CLBA1: variants seen among roughly 807,000 people sequenced by gnomAD.
The protein encoded by CLBA1 is clathrin binding box of aftiphilin containing 1, also known as uncharacterized protein CLBA1.
A neutral mutation model predicts 28.8 loss-of-function variants in CLBA1; 30 were observed. The observed-to-expected ratio is 1.04, with a 90% CI of 0.78 to 1.41. The LOEUF (loss-of-function observed/expected upper bound fraction) is 1.41, where lower values mean the gene tolerates loss of function less well. CLBA1 is among the 40% of genes most tolerant of loss of function. The pLI, the probability that CLBA1 is intolerant of heterozygous loss-of-function variation, is 0.00. For missense variants in CLBA1, 451 were observed against 412.3 expected, an observed-to-expected ratio of 1.09 and a Z score of -0.81; for synonymous variants, 160 against 152.8, an observed-to-expected ratio of 1.05 and a Z score of -0.35.
At chr14:105,000,599 A>C (rs986022750) in intron 2 of CLBA1, among the ~76,000 whole-genome samples, 1 of 152,062 alleles carries the variant, frequency 6.6e-6, no homozygotes, top group Non-Finnish European at 1.5e-5. Flanking sequence ...AAATATATAT[A>C]TATCTATTTT....
rs888597369 is a variant in CLBA1, at chr14:104,986,170, G to A, written c.-262G>A. 1.8e-6 allele frequency: 1 copy of A among 542,892 alleles called. No homozygotes were observed. Among genetic ancestry groups the A allele is most frequent in the Non-Finnish European group, 3.3e-6 (1 of 300,718 alleles). The allele number at this position is 542,892 out of a possible 1,614,324, so 33.6% of individuals were successfully genotyped here. On this transcript the variant is annotated 5_prime_UTR_variant, in exon 1 of 5. The change creates a new upstream start codon in the 5' untranslated region. Transcript: ENST00000547315. Reference sequence around the variant, plus strand: ...TGCCGTGGGTCTGGTACGCGCCTCTGTGTCGGACTCCGCGCCCGCCTGCGT... The same window carrying A: ...TGCCGTGGGTCTGGTACGCGCCTCTATGTCGGACTCCGCGCCCGCCTGCGT...
At chr14:104,994,552 T>C (rs1281158349) in intron 4 of CLBA1, 46 bp from the exon 5 acceptor site, 1 of 1,564,222 alleles carries the variant, frequency 6.4e-7, no homozygotes, top group Non-Finnish European at 8.6e-7. Context: ...CTAGCGCTTC[T>C]CATTGCCCGG....
chr14:104,988,924 TTTC>T lies in CLBA1; in HGVS notation c.424-13_424-11del, dbSNP rs1452828733. On this transcript the variant is annotated splice_polypyrimidine_tract_variant and intron_variant, in intron 1 of 4. Transcript: ENST00000547315. ...GTCTTTCTCCTAACTTTGGTATGCT[TTTC>T]TTCTTTTCTTTTCAGCCCATTCTCA... 1.1e-5 allele frequency: 17 copies of T among 1,587,446 alleles called. No individual in the cohort carries two copies. Among genetic ancestry groups the T allele is most frequent in the Non-Finnish European group, 1.4e-5 (16 of 1,166,398 alleles).
chr14:104,992,460 G>A (rs546275276), intron 3 of CLBA1, among the ~76,000 whole-genome samples: 1 of 152,276 alleles, frequency 6.6e-6, no homozygotes, highest in Non-Finnish European at 1.5e-5. Context: ...ATTGGCCCTG[G>A]TGAAGACAGG....
intron 2 of CLBA1, among the ~76,000 whole-genome samples, chr14:105,000,809 T>C (rs1900253285): frequency 1.3e-5 from 2 of 151,996 alleles, no homozygotes; most frequent in African/African-American, 2.4e-5. Context: ...GAGTGTAAAG[T>C]AGTACCGCCG....
At chr14:104,993,187 C>A (rs1439170437) in intron 4 of CLBA1, 123 bp downstream of exon 4, 1 of 1,513,956 alleles carries the variant, frequency 6.6e-7, no homozygotes, top group Admixed American at 2.3e-5. Flanking sequence ...TTGTGGACTT[C>A]CAGAAAACAA....
At chr14:104,992,020 C>A (rs181776922) in intron 3 of CLBA1, among the ~76,000 whole-genome samples, 1 of 146,454 alleles carries the variant, frequency 6.8e-6, no homozygotes, top group Non-Finnish European at 1.5e-5. Flanking sequence ...CACCACATGC[C>A]GCCATGCACA....
chr14:104,989,250 G>A (rs917463241), intron 2 of CLBA1, 162 bp downstream of exon 2: 1 of 659,972 alleles, frequency 1.5e-6, no homozygotes, highest in Non-Finnish European at 2.5e-6. Flanking sequence ...GGGGCAGCAC[G>A]ATTGGCGCTC....
intron 4 of CLBA1, chr14:104,994,084 G>C: frequency 1.0e-6 from 1 of 985,292 alleles, no homozygotes; most frequent in Non-Finnish European, 1.2e-6. Flanking sequence ...AGAGGGCCCT[G>C]ATCGGCCGTC....
downstream of CLBA1, among the ~76,000 whole-genome samples, chr14:104,996,384 C>T (rs1900155974): frequency 6.6e-6 from 1 of 152,246 alleles, no homozygotes; most frequent in African/African-American, 2.4e-5. Context: ...GAGGACCCTG[C>T]AACAGGCAAG....
intron 2 of CLBA1, chr14:104,990,184 G>T (rs1202572323): frequency 1.2e-5 from 2 of 164,704 alleles, no homozygotes; most frequent in African/African-American, 4.7e-5. Flanking sequence ...GAGGCATGGG[G>T]AGTCCTGGGT....
downstream of CLBA1, chr14:104,995,607 T>C: frequency 1.5e-6 from 1 of 661,594 alleles, no homozygotes; most frequent in South Asian, 6.7e-5. Context: ...GCAGCCACCC[T>C]GGCTGTCTCT....
At chr14:104,995,615 T>C (rs1394926257), downstream of CLBA1, 3 of 582,358 alleles carry the variant, frequency 5.2e-6, no homozygotes. Context: ...CCTGGCTGTC[T>C]CTTTTCCTGC....
At chr14:104,991,291 T>C in intron 2 of CLBA1, 200 bp from the exon 3 acceptor site, 2 of 475,290 alleles carry the variant, frequency 4.2e-6, no homozygotes, top group Non-Finnish European at 3.7e-6. Flanking sequence ...CCCAAAGTGC[T>C]GGGATTACAG....
chr14:104,994,515 G>C (rs1407749098), intron 4 of CLBA1, 83 bp from the exon 5 acceptor site: 1 of 1,497,592 alleles, frequency 6.7e-7, no homozygotes, highest in African/African-American at 1.4e-5. Flanking sequence ...CCGAGAGGCA[G>C]GGGGCGGCCA....
intron 2 of CLBA1, among the ~76,000 whole-genome samples, chr14:105,001,115 T>C (rs1392676474): frequency 1.3e-5 from 2 of 150,018 alleles, no homozygotes; most frequent in Non-Finnish European, 3.0e-5. Context: ...TGCAACTGTC[T>C]AGATGAACCT....
rs770202291 is a variant in CLBA1, at chr14:104,988,990, A to C, written c.471A>C (p.Ile157=). ...ENILKCAFQE[I]TVQQAAEDVS... ...TTTTAAAGTGTGCTTTTCAAGAAAT[A>C]ACAGTCCAGCAGGCAGCTGAAGACG... Residue 157 remains isoleucine (I), a synonymous_variant, in exon 2 of 5, where the codon ATA becomes ATC. Transcript: ENST00000547315. 8 of 1,613,092 alleles carry C rather than the reference A, an allele frequency of 5.0e-6. No individual in the cohort carries two copies. In the East Asian group the frequency reaches 1.8e-4, roughly 36 times the overall value.
Position 104,988,939 on chromosome 14 carries a change from T to A in CLBA1, c.424-4T>A, listed in dbSNP as rs563068420. On this transcript the variant is annotated splice_region_variant and splice_polypyrimidine_tract_variant and intron_variant, in intron 1 of 4. Transcript: ENST00000547315. ...TTGGTATGCTTTTCTTCTTTTCTTT[T>A]CAGCCCATTCTCAGCTATGAGAACA... 1 of 1,599,620 alleles carries A rather than the reference T, an allele frequency of 6.3e-7. No individual in the cohort carries two copies. Among genetic ancestry groups the A allele is most frequent in the East Asian group, 2.2e-5 (1 of 44,728 alleles).
Position 104,993,893 on chromosome 14 carries a change from G to T in CLBA1, c.817-705G>T, listed in dbSNP as rs1220718536. On this transcript the variant is annotated intron_variant, in intron 4 of 4. Transcript: ENST00000547315. ...GTACTGCCCTGTGGCCTGGTAGGAG[G>T]TAACAAGGACCTGAGACTGAGCTGG... The T allele has an allele frequency of 9.1e-6, 9 of 985,296 alleles. No homozygotes were observed. The Admixed American group carries it at 2.5e-4, about 27-fold the overall frequency. 61.0% of individuals were successfully genotyped at this position (985,296 alleles called of 1,614,324 possible).
Sources: allele counts gnomAD v4.1 joint callset (sites outside exome capture counted in the v4.1 genomes callset), GRCh38; gene constraint gnomAD v4.1.1; transcripts MANE v1.5; gene names NCBI Gene and HGNC (gene_info 2026-07-23, HGNC 2026-07-21).